ZNF667: variants seen among roughly 807,000 people sequenced by gnomAD.
The protein encoded by ZNF667 is myocardial ischemic preconditioning upregulated 1 ortholog.
A neutral mutation model predicts 31.8 loss-of-function variants in ZNF667; 13 were observed. The observed-to-expected ratio is 0.41, with a 90% CI of 0.27 to 0.65. The LOEUF (loss-of-function observed/expected upper bound fraction) is 0.65, where lower values mean the gene tolerates loss of function less well. Ranked by LOEUF, ZNF667 falls within the 30% of genes least tolerant of loss-of-function variation. The probability of loss-of-function intolerance (pLI) is 0.32; values close to 1 mark genes in which losing one functional copy is unlikely to be tolerated. For synonymous variants in ZNF667, 228 were observed against 247.1 expected (o/e 0.92, Z 0.73); for missense variants, 642 against 725.6 (o/e 0.88, Z 1.32).
intron 6 of ZNF667, among the ~76,000 whole-genome samples, chr19:56,454,317 T>C (rs1352747909): frequency 2.6e-5 from 4 of 151,990 alleles, no homozygotes; most frequent in African/African-American, 9.7e-5. Context: ...CTCATAGAAA[T>C]AGAAAAGGTA....
intron 5 of ZNF667, among the ~76,000 whole-genome samples, chr19:56,458,464 G>A (rs1455163794): frequency 6.6e-6 from 1 of 152,160 alleles, no homozygotes; most frequent in Non-Finnish European, 1.5e-5. Context: ...TAAACCCTGG[G>A]AATCTCCTGC....
intron 2 of ZNF667, among the ~76,000 whole-genome samples, chr19:56,473,467 C>T (rs2043336056): frequency 6.6e-6 from 1 of 152,192 alleles, no homozygotes; most frequent in African/African-American, 2.4e-5. Flanking sequence ...AGGAGAATGG[C>T]TAAGTGAATA....
intron 6 of ZNF667, among the ~76,000 whole-genome samples, chr19:56,447,113 A>G (rs1239458406): frequency 3.9e-5 from 6 of 152,120 alleles, no homozygotes; most frequent in East Asian, 1.9e-4. Context: ...AAGAAAAATT[A>G]TAATGTGAAT....
intron 6 of ZNF667, chr19:56,444,250 C>T (rs886601937): frequency 1.3e-5 from 5 of 398,406 alleles, no homozygotes; most frequent in African/African-American, 2.1e-5. Context: ...GTGCTGGCAC[C>T]TCCTTGGCTT....
intron 6 of ZNF667, among the ~76,000 whole-genome samples, chr19:56,449,998 G>A (rs1173524670): frequency 6.6e-6 from 1 of 151,414 alleles, no homozygotes; most frequent in Non-Finnish European, 1.5e-5. Context: ...GACCCAAAAG[G>A]GCATATCTAG....
rs1272969171 is a variant in ZNF667 at position 56,442,648 on chromosome 19, T to C, written c.347A>G (p.Gln116Arg). ...SICQKLVSAQ[Q>R]KAPTRKSGCN... ...GCCACTCTTTCGTGTAGGAGCTTTTTGTTGTGCAGAAACTAGTTTCTGGCA... is the reference window on the plus strand; with the variant it reads ...GCCACTCTTTCGTGTAGGAGCTTTTCGTTGTGCAGAAACTAGTTTCTGGCA... The change falls in exon 7 of 7, where the codon CAA becomes CGA. Residue 116 changes from glutamine (Q) to arginine (R), a missense_variant. By Grantham distance (43) the Gln-to-Arg change is conservative. Coordinates refer to ENST00000504904, the MANE Select transcript of ZNF667 (RefSeq NM_001321356.2). 7 of 1,613,790 alleles carry C rather than the reference T, an allele frequency of 4.3e-6. No individual in the cohort carries two copies. The South Asian group carries it at 4.4e-5, about 10-fold the overall frequency.
At chr19:56,446,803 T>A (rs1177806252) in intron 6 of ZNF667, among the ~76,000 whole-genome samples, 1 of 152,180 alleles carries the variant, frequency 6.6e-6, no homozygotes, top group Non-Finnish European at 1.5e-5. Context: ...AGATTCCTCC[T>A]ATAGTCCTTC....
At chr19:56,475,597 C>T (rs534598724) in intron 1 of ZNF667, 36 of 152,204 alleles carry the variant, frequency 2.4e-4, no homozygotes, top group African/African-American at 8.7e-4. Context: ...TGCACAACAT[C>T]CTATAATACA....
chr19:56,470,804 G>T (rs779279597), intron 3 of ZNF667, among the ~76,000 whole-genome samples: 2 of 152,156 alleles, frequency 1.3e-5, no homozygotes, highest in Non-Finnish European at 2.9e-5. Flanking sequence ...GGTTTCCTTC[G>T]TACAGAGATG....
chr19:56,464,894 T>C (rs1429565590), intron 3 of ZNF667, among the ~76,000 whole-genome samples: 6 of 152,326 alleles, frequency 3.9e-5, no homozygotes, highest in African/African-American at 1.4e-4. Flanking sequence ...GAGACACAGT[T>C]CTGCTGCAGC....
At chr19:56,462,093 G>A (rs1378535707) in intron 4 of ZNF667, among the ~76,000 whole-genome samples, 2 of 152,218 alleles carry the variant, frequency 1.3e-5, no homozygotes, top group African/African-American at 2.4e-5. Context: ...CAAAGCCCCT[G>A]GGAATGCTAA....
intron 6 of ZNF667, among the ~76,000 whole-genome samples, chr19:56,447,543 C>T (rs1464337471): frequency 6.6e-6 from 1 of 152,006 alleles, no homozygotes; most frequent in Non-Finnish European, 1.5e-5. Flanking sequence ...CATGACTGCA[C>T]CACTACACTC....
Position 56,441,568 on chromosome 19 carries a change from C to T in ZNF667, c.1427G>A (p.Cys476Tyr), listed in dbSNP as rs752641401. 3.1e-6 allele frequency: 5 copies of T among 1,614,218 alleles called. No homozygotes were observed. The highest frequency in any genetic ancestry group is 4.2e-6 in the Non-Finnish European group (5 of 1,180,042). The change falls in exon 7 of 7, where the codon TGT (cysteine) becomes TAT (tyrosine). Residue 476 changes from cysteine to tyrosine, a missense_variant. Transcript: ENST00000504904. The surrounding 1 kb of genome is among the most constrained non-coding windows in gnomAD (Gnocchi z 4.2). ...TATTCGGTGGCTGAAGGCTTTTCCA[C>T]ATTCCTCACACTGGTAGGGTTTTTC... ...TGEKPYQCEECGKAFSHRISL... is the reference protein window; with the variant it reads ...TGEKPYQCEEYGKAFSHRISL...
At chr19:56,443,371 A>G (rs944751358) in intron 6 of ZNF667, among the ~76,000 whole-genome samples, 1 of 152,216 alleles carries the variant, frequency 6.6e-6, no homozygotes, top group African/African-American at 2.4e-5. Flanking sequence ...CAATGGGAAC[A>G]TGTTGTAAGA....
At chr19:56,453,196 A>C (rs1197048095) in intron 6 of ZNF667, among the ~76,000 whole-genome samples, 2 of 152,208 alleles carry the variant, frequency 1.3e-5, no homozygotes, top group Admixed American at 6.5e-5. Flanking sequence ...ACCTGAACAG[A>C]GCAATAACAA....
At chr19:56,457,699 T>C (rs1483592971) in intron 6 of ZNF667, among the ~76,000 whole-genome samples, 1 of 152,176 alleles carries the variant, frequency 6.6e-6, no homozygotes, top group African/African-American at 2.4e-5. Flanking sequence ...AAATAATCTC[T>C]TAAAGAGATT....
chr19:56,460,602 A>T (rs969976360), intron 5 of ZNF667, 87 bp downstream of exon 5: 2 of 1,426,888 alleles, frequency 1.4e-6, no homozygotes, highest in Non-Finnish European at 1.9e-6. Flanking sequence ...AAGAAACTGC[A>T]GTGGCTTCCA....
Position 56,446,279 on chromosome 19 carries a change from G to A in ZNF667, c.254-3538C>T, listed in dbSNP as rs549792210. Among the ~76,000 whole-genome samples the A allele has an allele frequency of 4.5e-4, 68 of 152,286 alleles. 1 individual carries two copies. The East Asian group carries it at 0.013, about 28-fold the overall frequency. The stretch of plus-strand genomic sequence containing the variant: ...ATCACGTACCTCACAAGGTTTTCAT[G>A]AGAATTAGAAATAATGTGCGAGATT... On this transcript the variant is annotated intron_variant, in intron 6 of 6. Coordinates refer to ENST00000504904, the MANE Select transcript of ZNF667 (RefSeq NM_001321356.2).
chr19:56,446,431 A>G (rs377028521), intron 6 of ZNF667, among the ~76,000 whole-genome samples: 7 of 152,282 alleles, frequency 4.6e-5, no homozygotes, highest in Admixed American at 3.3e-4. Flanking sequence ...CTGAAATGCA[A>G]TGAGGCTATT....
Sources: allele counts gnomAD v4.1 joint callset (sites outside exome capture counted in the v4.1 genomes callset), GRCh38; gene constraint gnomAD v4.1.1; non-coding constraint Gnocchi (gnomAD v3.1); transcripts MANE v1.5; gene names NCBI Gene and HGNC (gene_info 2026-07-23, HGNC 2026-07-21).